Variants in ADAMTS12 observed in about 807,000 individuals in gnomAD.
ADAMTS12 encodes the protein ADAM metallopeptidase with thrombospondin type 1 motif 12.
Under a neutral mutation model 167.8 loss-of-function variants are expected in ADAMTS12, and 118 were observed. The ratio of observed to expected loss-of-function variants is 0.70; its 90% CI spans 0.61 to 0.82. ADAMTS12 has a LOEUF of 0.82. ADAMTS12 is among the 40% of genes least tolerant of loss of function. The pLI is 0.00. For missense variants in ADAMTS12, 1,916 were observed against 1,998.8 expected, an observed-to-expected ratio of 0.96 and a Z score of 0.79; for synonymous variants, 704 against 716.9, an observed-to-expected ratio of 0.98 and a Z score of 0.29.
intron 2 of ADAMTS12, chr5:33,880,860 A>G (rs1054460867): frequency 6.7e-6 from 3 of 446,552 alleles, no homozygotes; most frequent in African/African-American, 5.8e-5. Context: ...TTCCCCCTCC[A>G]ACCCCAAACT....
rs111280229 is a variant in ADAMTS12 at position 33,592,242 on chromosome 5, C to CA, written c.2655-3434dup. ...GAAACTCCGTCTCAAAACAAACAAA[C>CA]AAAAAAAACAAAAAACAAAAAAACA... On this transcript the variant is annotated intron_variant, in intron 17 of 23. Transcript: ENST00000504830. Among the ~76,000 whole-genome samples the CA allele has an allele frequency of 3.5e-3, 521 of 147,990 alleles. 3 individuals are homozygous for CA. The highest frequency in any genetic ancestry group is 0.012 in the African/African-American group (479 of 39,108).
At chr5:33,622,965 A>G (rs1362900979) in intron 14 of ADAMTS12, among the ~76,000 whole-genome samples, 1 of 152,172 alleles carries the variant, frequency 6.6e-6, no homozygotes, top group Non-Finnish European at 1.5e-5. Context: ...ATTACATCTC[A>G]CAACTTAAGC....
intron 2 of ADAMTS12, among the ~76,000 whole-genome samples, chr5:33,787,341 A>C (rs986923871): frequency 1.3e-5 from 2 of 152,248 alleles, no homozygotes; most frequent in Admixed American, 6.5e-5. Context: ...CAAGAAAATT[A>C]AGGCAACCAT....
rs897232007 is a variant in ADAMTS12, at chr5:33,648,577, T to C, written c.1479+245A>G. Among the ~76,000 whole-genome samples, 4 of 152,330 alleles carry C rather than the reference T, an allele frequency of 2.6e-5. No individual in the cohort carries two copies. The East Asian group carries it at 5.8e-4, about 22-fold the overall frequency. On this transcript the variant is annotated intron_variant, in intron 9 of 23. Transcript: ENST00000504830. ...AATCACTGTGAATCCTGAAAATCAC[T>C]ATGGAGCTGTGTCAAACACCACCCA...
chr5:33,690,468 A>G (rs1268570254), intron 3 of ADAMTS12, among the ~76,000 whole-genome samples: 1 of 151,926 alleles, frequency 6.6e-6, no homozygotes, highest in Non-Finnish European at 1.5e-5. Context: ...CTGAAAAAAA[A>G]AAAGAAAGAA....
chr5:33,748,280 G>A (rs1487229996), intron 3 of ADAMTS12, among the ~76,000 whole-genome samples: 1 of 152,140 alleles, frequency 6.6e-6, no homozygotes, highest in Non-Finnish European at 1.5e-5. Flanking sequence ...ATGAGGTTTT[G>A]AAATTTCCCC....
chr5:33,554,937 C>T lies in ADAMTS12; in HGVS notation c.4126-5554G>A, dbSNP rs912526022. Among the ~76,000 whole-genome samples the T allele has an allele frequency of 3.9e-5, 6 of 152,020 alleles. No individual in the cohort carries two copies. In the East Asian group the frequency reaches 5.8e-4, roughly 15 times the overall value. On this transcript the variant is annotated intron_variant, in intron 20 of 23. Transcript: ENST00000504830. ...AGTTACCGCTAAAATAAAAAGGCAA[C>T]GTTGCCTATGTGGGAAGACAGATTA... is the stretch of plus-strand genomic sequence containing the variant.
At chr5:33,793,429 A>G (rs1232784347) in intron 2 of ADAMTS12, among the ~76,000 whole-genome samples, 3 of 152,242 alleles carry the variant, frequency 2.0e-5, no homozygotes, top group Non-Finnish European at 4.4e-5. Context: ...TGCTTAAAAT[A>G]GTTTAAAACC....
intron 18 of ADAMTS12, among the ~76,000 whole-genome samples, chr5:33,579,868 A>G (rs1195083375): frequency 2.0e-5 from 3 of 152,252 alleles, no homozygotes; most frequent in Non-Finnish European, 4.4e-5. Flanking sequence ...TAGTGATCAT[A>G]ACAAAAGGCT....
intron 3 of ADAMTS12, among the ~76,000 whole-genome samples, chr5:33,692,465 A>T (rs965312852): frequency 6.6e-6 from 1 of 152,232 alleles, no homozygotes; most frequent in Non-Finnish European, 1.5e-5. Context: ...TGAATAGAAG[A>T]GGGCTGTTTT....
At chr5:33,575,533 T>G (rs570155647) in intron 19 of ADAMTS12, among the ~76,000 whole-genome samples, 1 of 152,306 alleles carries the variant, frequency 6.6e-6, no homozygotes, top group South Asian at 2.1e-4. Context: ...CTCACTACAT[T>G]TGTTCTCCTT....
intron 2 of ADAMTS12, among the ~76,000 whole-genome samples, chr5:33,871,264 C>T (rs1325992951): frequency 6.6e-6 from 1 of 152,006 alleles, no homozygotes; most frequent in Non-Finnish European, 1.5e-5. Flanking sequence ...ACAAATTCTA[C>T]CAAACATGTA....
chr5:33,565,808 A>T (rs922065522), intron 19 of ADAMTS12, among the ~76,000 whole-genome samples: 3 of 152,102 alleles, frequency 2.0e-5, no homozygotes, highest in South Asian at 4.1e-4. Flanking sequence ...GTGTTAATTA[A>T]CCTTTGAGCT....
At chr5:33,717,100 A>C (rs1376398642) in intron 3 of ADAMTS12, among the ~76,000 whole-genome samples, 1 of 148,264 alleles carries the variant, frequency 6.7e-6, no homozygotes, top group Non-Finnish European at 1.5e-5. Context: ...GTAAGTAGAG[A>C]TTGAGAAAGA....
Position 33,881,187 on chromosome 5 carries a change from G to T in ADAMTS12, c.421C>A (p.Leu141Ile). 1 of 1,614,164 alleles carries T rather than the reference G, an allele frequency of 6.2e-7. No individual in the cohort carries two copies. Among genetic ancestry groups the T allele is most frequent in the Non-Finnish European group, 8.5e-7 (1 of 1,180,032 alleles). The change falls in exon 2 of 24, where the codon CTC becomes ATC. Residue 141 changes from leucine (L) to isoleucine (I), a missense_variant. Coordinates refer to ENST00000504830, the MANE Select transcript of ADAMTS12 (RefSeq NM_030955.4). ...MMASSAPLCH[L>I]SGTVLQQGTR... The stretch of plus-strand genomic sequence containing the variant: ...CCCTGCTGTAGAACCGTGCCACTGA[G>T]ATGGCAGAGGGGGGCAGAGGAAGCC...
intron 3 of ADAMTS12, among the ~76,000 whole-genome samples, chr5:33,720,434 A>G (rs959808938): frequency 1.3e-5 from 2 of 152,204 alleles, no homozygotes; most frequent in South Asian, 2.1e-4. Context: ...TGGAAATTCA[A>G]TTATTTGATG....
chr5:33,682,959 A>G lies in ADAMTS12; in HGVS notation c.915+59T>C. Reference sequence around the variant, plus strand: ...CTTGTCTACCAAGAACTCCCCTGAAAAAAAGAAGGTAGGAAGTGCGAGGAC... The same window carrying G: ...CTTGTCTACCAAGAACTCCCCTGAAGAAAAGAAGGTAGGAAGTGCGAGGAC... On this transcript the variant is annotated intron_variant, in intron 5 of 23. Transcript: ENST00000504830. 32 of 1,464,820 alleles carry G rather than the reference A, an allele frequency of 2.2e-5. No homozygotes were observed. The South Asian group carries it at 3.2e-4, about 14-fold the overall frequency. 90.7% of individuals were successfully genotyped at this position (1,464,820 alleles called of 1,614,324 possible).
At chr5:33,617,984 G>A (rs1342455914) in intron 14 of ADAMTS12, among the ~76,000 whole-genome samples, 3 of 152,178 alleles carry the variant, frequency 2.0e-5, no homozygotes, top group Non-Finnish European at 4.4e-5. Context: ...AAACAACACA[G>A]GGGTTAGGGC....
intron 5 of ADAMTS12, among the ~76,000 whole-genome samples, chr5:33,680,043 T>G (rs564729392): frequency 1.3e-5 from 2 of 152,176 alleles, no homozygotes; most frequent in Admixed American, 1.3e-4. Context: ...TTCCTGGGAA[T>G]TAGGAAAATG....
Sources: gnomAD v4.1 joint callset for allele counts (sites outside exome capture counted in the v4.1 genomes callset) on GRCh38, gnomAD v4.1.1 for gene constraint, MANE v1.5 for transcripts, NCBI Gene and HGNC (gene_info 2026-07-23, HGNC 2026-07-21) for gene names.